The following PIGB variants were observed in gnomAD, a reference collection of about 807,000 sequenced individuals.
The protein encoded by PIGB is phosphatidylinositol glycan anchor biosynthesis class B, also known as GPI alpha-1,2-mannosyltransferase 3.
A neutral mutation model predicts 68.4 loss-of-function variants in PIGB; 58 were observed. The observed-to-expected ratio is 0.85, with a 90% CI of 0.69 to 1.06. PIGB has a LOEUF of 1.06. Ranked by LOEUF, PIGB falls within the 50% of genes least tolerant of loss-of-function variation. The probability of loss-of-function intolerance (pLI) is 0.00; values close to 1 mark genes in which losing one functional copy is unlikely to be tolerated. For synonymous variants in PIGB, 219 were observed against 220.5 expected (o/e 0.99, Z 0.06); for missense variants, 634 against 655.8 (o/e 0.97, Z 0.36).
chr15:55,326,126 G>T (rs993353859), intron 3 of PIGB, among the ~76,000 whole-genome samples: 1 of 151,936 alleles, frequency 6.6e-6, no homozygotes, highest in Non-Finnish European at 1.5e-5. Context: ...GAATCTGGGA[G>T]GTGGAGCTTG....
chr15:55,325,529 TTA>T (rs1422584969), intron 3 of PIGB, among the ~76,000 whole-genome samples: 4 of 152,176 alleles, frequency 2.6e-5, no homozygotes, highest in Non-Finnish European at 5.9e-5. Flanking sequence ...TGTAATACAT[TTA>T]GTCTTTATTT....
intron 2 of PIGB, among the ~76,000 whole-genome samples, chr15:55,321,050 A>G (rs1479321813): frequency 6.6e-6 from 1 of 152,184 alleles, no homozygotes. Context: ...AATATCCAGT[A>G]TAAAATGCTG....
chr15:55,329,895 C>A, intron 5 of PIGB, 41 bp downstream of exon 5: 2 of 1,442,476 alleles, frequency 1.4e-6, no homozygotes, highest in South Asian at 1.2e-5. Context: ...CAAAATTCTA[C>A]TTTTGAAAAA....
In PIGB at chr15:55,333,865, A is replaced by G. The variant is rs767831472; in HGVS notation, c.654-2A>G. ...GTCTTATCACACATTTTCCTCTTATAGTGTCAAATACTCATCCCTGGTGGC... is the reference window on the plus strand; with the variant it reads ...GTCTTATCACACATTTTCCTCTTATGGTGTCAAATACTCATCCCTGGTGGC... On this transcript the variant is annotated splice_acceptor_variant, in intron 5 of 11. Transcript: ENST00000164305. LOFTEE classifies it high-confidence loss of function. The G allele has an allele frequency of 8.3e-6, 13 of 1,567,154 alleles. No homozygotes were observed. Among genetic ancestry groups the G allele is most frequent in the Non-Finnish European group, 1.0e-5 (12 of 1,157,614 alleles).
chr15:55,339,146 G>C (rs1281735377), intron 6 of PIGB, 121 bp from the exon 7 acceptor site: 4 of 683,304 alleles, frequency 5.9e-6, no homozygotes, highest in African/African-American at 1.8e-5. Context: ...ATATTCAGTT[G>C]GTGAAACTGT....
intron 3 of PIGB, 82 bp downstream of exon 3, chr15:55,321,472 A>G: frequency 1.7e-6 from 2 of 1,164,538 alleles, no homozygotes; most frequent in Admixed American, 2.5e-5. Context: ...AAGTCCAGCC[A>G]TATCTGGGAA....
rs373610042 is a variant in PIGB, at chr15:55,319,259, G to A, written c.9G>A (p.Arg3=). The A allele has an allele frequency of 2.6e-5, 41 of 1,605,982 alleles. No individual in the cohort carries two copies. Among genetic ancestry groups the A allele is most frequent in the African/African-American group, 2.7e-5 (2 of 74,820 alleles). MR[R]PLSKCGMEPG... The stretch of plus-strand genomic sequence containing the variant: ...GAAGGTGGCGGCCAGGGATGAGGAG[G>A]CCCCTAAGCAAGTGCGGAATGGAGC... Residue 3 remains arginine (R), a synonymous_variant, in exon 1 of 12, where the codon AGG becomes AGA. Transcript: ENST00000164305.
At chr15:55,347,590 T>C (rs949372308) in intron 9 of PIGB, among the ~76,000 whole-genome samples, 2 of 152,236 alleles carry the variant, frequency 1.3e-5, no homozygotes, top group African/African-American at 4.8e-5. Flanking sequence ...TCCATAATAC[T>C]GTTGAAGACA....
intron 10 of PIGB, chr15:55,354,597 C>T: frequency 1.9e-6 from 1 of 513,110 alleles, no homozygotes; most frequent in Non-Finnish European, 3.4e-6. Flanking sequence ...TATACTGCTG[C>T]TGCTGCATAG....
At chr15:55,335,525 AGAT>A (rs2055515004) in intron 6 of PIGB, among the ~76,000 whole-genome samples, 1 of 152,236 alleles carries the variant, frequency 6.6e-6, no homozygotes, top group South Asian at 2.1e-4. Flanking sequence ...ACAGCTAAAA[AGAT>A]AAGAGTAAAT....
At chr15:55,334,366 G>C (rs2055488782) in intron 6 of PIGB, among the ~76,000 whole-genome samples, 1 of 152,062 alleles carries the variant, frequency 6.6e-6, no homozygotes, top group Non-Finnish European at 1.5e-5. Flanking sequence ...TAATACTTCA[G>C]TCTAGGCAAT....
intron 9 of PIGB, chr15:55,343,253 A>G (rs1339667628): frequency 1.3e-5 from 2 of 152,216 alleles, no homozygotes; most frequent in Non-Finnish European, 1.5e-5. Flanking sequence ...GCACATACAA[A>G]AATTTAGACA....
chr15:55,319,492 C>T, intron 1 of PIGB, 79 bp downstream of exon 1: 2 of 1,090,462 alleles, frequency 1.8e-6, no homozygotes, highest in Non-Finnish European at 1.3e-6. Context: ...CAGCCAGTTG[C>T]CCGTTGAGCT....
chr15:55,327,504 T>A (rs964768216), intron 3 of PIGB, 27 bp from the exon 4 acceptor site: 1 of 1,430,330 alleles, frequency 7.0e-7, no homozygotes, highest in African/African-American at 1.4e-5. Flanking sequence ...ATTTTTAACA[T>A]CCTGTTCTTC....
At position 55,355,377 on chromosome 15, in the gene PIGB, T is replaced by C. The variant is rs1321521727; in HGVS notation, c.1610T>C (p.Ile537Thr). 1 of 1,611,786 alleles carries C rather than the reference T, an allele frequency of 6.2e-7. No homozygotes were observed. The highest frequency in any genetic ancestry group is 2.2e-5 in the East Asian group (1 of 44,830). The change falls in exon 12 of 12, where the codon ATA becomes ACA. Residue 537 changes from isoleucine (I) to threonine (T), a missense_variant. Physicochemically the swap from Ile to Thr is moderately conservative, Grantham distance 89. Coordinates refer to ENST00000164305, the MANE Select transcript of PIGB (RefSeq NM_004855.5). ...HLPEGRIGSH[I>T]YVYERKLKGK... ...CCAGAGGGTCGAATTGGAAGTCACATATATGTCTATGAACGGAAGTTAAAA... is the reference window on the plus strand; with the variant it reads ...CCAGAGGGTCGAATTGGAAGTCACACATATGTCTATGAACGGAAGTTAAAA...
rs1442789104 is a variant in PIGB at position 55,340,665 on chromosome 15, A to G, written c.900A>G (p.Gly300=). ...FLKFNVLQNW[G]TFYGSHPWHW... is the part of the protein sequence containing the mutation. ...AATTTAACGTGCTGCAGAACTGGGG[A>G]ACATTTTATGGTTCTCATCCATGGC... is the stretch of plus-strand genomic sequence containing the variant. The change falls in exon 8 of 12, where the codon GGA becomes GGG. Residue 300 remains glycine (G), a synonymous_variant. Transcript: ENST00000164305. The G allele has an allele frequency of 6.2e-7, 1 of 1,613,020 alleles. No homozygotes were observed. The highest frequency in any genetic ancestry group is 1.7e-5 in the Admixed American group (1 of 59,924).
chr15:55,348,964 T>G (rs1314881345), intron 9 of PIGB, among the ~76,000 whole-genome samples: 1 of 152,164 alleles, frequency 6.6e-6, no homozygotes, highest in African/African-American at 2.4e-5. Context: ...TTAATTTATT[T>G]TGAGACAGTT....
chr15:55,339,116 C>T, intron 6 of PIGB, 151 bp from the exon 7 acceptor site: 1 of 626,344 alleles, frequency 1.6e-6, no homozygotes, highest in Non-Finnish European at 2.8e-6. Flanking sequence ...CAGTAGATAC[C>T]TTTCAAAATG....
In PIGB at chr15:55,348,626, T is replaced by C. The variant is rs2055857043; in HGVS notation, c.1124-2073T>C. Among the ~76,000 whole-genome samples, 3 of 152,280 alleles carry C rather than the reference T, an allele frequency of 2.0e-5. No homozygotes were observed. The South Asian group carries it at 6.2e-4, about 32-fold the overall frequency. ...GCACCTTCCACTTTCTTGCTTCTGC[T>C]CTCTCACCATGTGATCTCTGCACAA... On this transcript the variant is annotated intron_variant, in intron 9 of 11. Transcript: ENST00000164305.
Sources: allele counts gnomAD v4.1 joint callset (sites outside exome capture counted in the v4.1 genomes callset), GRCh38; gene constraint gnomAD v4.1.1; transcripts MANE v1.5; gene names NCBI Gene and HGNC (gene_info 2026-07-23, HGNC 2026-07-21).